The following NRG3 variants were observed in gnomAD, a reference collection of about 807,000 sequenced individuals.
NRG3 encodes pro-neuregulin-3, membrane-bound isoform.
NRG3 carries 31 observed loss-of-function variants against 66.9 expected under a neutral mutation model. The observed-to-expected ratio is 0.46, with a 90% CI of 0.35 to 0.63. The LOEUF (loss-of-function observed/expected upper bound fraction) is 0.63, where lower values mean the gene tolerates loss of function less well. Ranked by LOEUF, NRG3 falls within the 20% of genes least tolerant of loss-of-function variation. The pLI, the probability that NRG3 is intolerant of heterozygous loss-of-function variation, is 0.00. For missense variants in NRG3, 910 were observed against 878.9 expected, an observed-to-expected ratio of 1.04 and a Z score of -0.45; for synonymous variants, 393 against 359.4, an observed-to-expected ratio of 1.09 and a Z score of -1.06.
intron 1 of NRG3, among the ~76,000 whole-genome samples, chr10:82,072,778 T>G (rs117300083): frequency 0.036 from 5,487 of 151,944 alleles, 137 homozygotes; most frequent in East Asian, 0.1. Context: ...TTATTATTAT[T>G]TTTTAAGAGA....
intron 3 of NRG3, among the ~76,000 whole-genome samples, chr10:82,789,817 A>G (rs2060512782): frequency 6.6e-6 from 1 of 151,192 alleles, no homozygotes; most frequent in African/African-American, 2.4e-5. Context: ...TACCATTTTA[A>G]TTCCCTTTTT....
chr10:82,183,300 A>G (rs1425091991), intron 1 of NRG3, among the ~76,000 whole-genome samples: 1 of 151,724 alleles, frequency 6.6e-6, no homozygotes, highest in African/African-American at 2.4e-5. Context: ...ATAACTTTCC[A>G]TAAGTCACTT....
intron 6 of NRG3, among the ~76,000 whole-genome samples, chr10:82,964,340 T>A (rs1446377143): frequency 6.6e-6 from 1 of 151,894 alleles, no homozygotes; most frequent in Non-Finnish European, 1.5e-5. Flanking sequence ...GGCTGGGGAG[T>A]TCATATCAGA....
chr10:82,491,286 C>T (rs750661102), intron 2 of NRG3, among the ~76,000 whole-genome samples: 45 of 38,708 alleles, frequency 1.2e-3, no homozygotes, highest in Non-Finnish European at 3.2e-3. Flanking sequence ...CTATGCTGTT[C>T]CCATAAAATA....
At chr10:82,423,104 A>G (rs994953844) in intron 2 of NRG3, among the ~76,000 whole-genome samples, 1 of 151,958 alleles carries the variant, frequency 6.6e-6, no homozygotes, top group Admixed American at 6.6e-5. Flanking sequence ...TAGACTATAG[A>G]CTAAAAACAA....
At chr10:81,996,345 A>G (rs945742303) in intron 1 of NRG3, among the ~76,000 whole-genome samples, 4 of 152,152 alleles carry the variant, frequency 2.6e-5, no homozygotes, top group Admixed American at 2.0e-4. Flanking sequence ...GAATGTTGCC[A>G]GTATCGTTGT....
intron 1 of NRG3, among the ~76,000 whole-genome samples, chr10:82,254,626 A>G (rs2077627790): frequency 1.3e-5 from 2 of 151,934 alleles, no homozygotes; most frequent in East Asian, 1.9e-4. Flanking sequence ...ACTGCCAGAA[A>G]GCAAGGAAGT....
chr10:82,857,496 G>T (rs548444329), intron 3 of NRG3, among the ~76,000 whole-genome samples: 1 of 152,192 alleles, frequency 6.6e-6, no homozygotes, highest in Non-Finnish European at 1.5e-5. Context: ...AAAGCTGTCG[G>T]TTCTGATGTG....
At chr10:82,876,336 G>A (rs553021) in intron 4 of NRG3, among the ~76,000 whole-genome samples, 149,470 of 152,164 alleles carry the variant, frequency 0.98, 73,423 homozygotes, top group Middle Eastern at 1. Flanking sequence ...CATTAATTAT[G>A]TAGTAATTAT....
intron 3 of NRG3, among the ~76,000 whole-genome samples, chr10:82,832,070 A>C (rs1160226011): frequency 1.3e-5 from 2 of 152,186 alleles, no homozygotes; most frequent in Non-Finnish European, 2.9e-5. Context: ...CTCACTTTGC[A>C]TCACATTAGT....
chr10:82,518,581 T>C (rs1022165364), intron 2 of NRG3, among the ~76,000 whole-genome samples: 1 of 152,186 alleles, frequency 6.6e-6, no homozygotes, highest in African/African-American at 2.4e-5. Flanking sequence ...AATATTTTAT[T>C]TGGCCTTACA....
intron 2 of NRG3, among the ~76,000 whole-genome samples, chr10:82,367,720 C>T (rs192719242): frequency 7.2e-5 from 11 of 152,198 alleles, no homozygotes; most frequent in Non-Finnish European, 1.5e-4. Context: ...CTTGACCGAA[C>T]GTGGTGGCTC....
intron 2 of NRG3, among the ~76,000 whole-genome samples, chr10:82,562,696 A>T (rs2045131763): frequency 1.3e-5 from 2 of 152,012 alleles, no homozygotes; most frequent in African/African-American, 4.8e-5. Flanking sequence ...TCACAGTTTA[A>T]TGTTTGTTGG....
chr10:82,308,220 G>A (rs1332373564), intron 1 of NRG3, among the ~76,000 whole-genome samples: 1 of 152,060 alleles, frequency 6.6e-6, no homozygotes. Context: ...GGCTGAATTT[G>A]GGATGACAGG....
At chr10:82,944,669 C>A (rs1848847819) in intron 4 of NRG3, among the ~76,000 whole-genome samples, 1 of 152,148 alleles carries the variant, frequency 6.6e-6, no homozygotes, top group Non-Finnish European at 1.5e-5. Flanking sequence ...TCTCGACTTA[C>A]TAAGAAATGT....
chr10:82,694,219 A>G (rs555725627), intron 2 of NRG3, among the ~76,000 whole-genome samples: 1 of 152,196 alleles, frequency 6.6e-6, no homozygotes, highest in Non-Finnish European at 1.5e-5. Flanking sequence ...TTAGCTAGAC[A>G]CAGAGCGCTG....
In NRG3 at chr10:82,163,548, C is replaced by T. The variant is rs74542359; in HGVS notation, c.824-195191C>T. On this transcript the variant is annotated intron_variant, in intron 1 of 8. Transcript: ENST00000372141. ...TCATTACATCAGTAGGTGAATGAGA[C>T]AAATTAATTCAGGAAGCTATAAATG... 6.5e-3 allele frequency among the ~76,000 whole-genome samples: 992 copies of T among 152,218 alleles called. 10 individuals carry two copies. Among genetic ancestry groups the T allele is most frequent in the African/African-American group, 0.02 (846 of 41,536 alleles).
At chr10:82,818,176 G>T (rs530727457) in intron 3 of NRG3, among the ~76,000 whole-genome samples, 1 of 152,320 alleles carries the variant, frequency 6.6e-6, no homozygotes, top group African/African-American at 2.4e-5. Context: ...TCTGGGTGTT[G>T]CCATGTGAAG....
At chr10:82,516,140 T>TTG (rs112163903) in intron 2 of NRG3, among the ~76,000 whole-genome samples, 3,886 of 150,216 alleles carry the variant, frequency 0.026, 73 homozygotes, top group Non-Finnish European at 0.034. Flanking sequence ...GGTTGGAACA[T>TTG]TGTGTGTGTG....
Sources: gnomAD v4.1 joint callset for allele counts (sites outside exome capture counted in the v4.1 genomes callset) on GRCh38, gnomAD v4.1.1 for gene constraint, MANE v1.5 for transcripts, NCBI Gene and HGNC (gene_info 2026-07-23, HGNC 2026-07-21) for gene names.